The following TTC17 variants were observed in gnomAD, a reference collection of about 807,000 sequenced individuals.
The protein encoded by TTC17 is tetratricopeptide repeat protein 17.
Under a neutral mutation model 143.8 loss-of-function variants are expected in TTC17, and 58 were observed. The ratio of observed to expected loss-of-function variants is 0.40; its 90% CI spans 0.33 to 0.50. TTC17 has a LOEUF of 0.50. TTC17 is among the 20% of genes least tolerant of loss of function. TTC17 has a pLI of 0.49. For synonymous variants in TTC17, 501 were observed against 497.8 expected, an observed-to-expected ratio of 1.01 and a Z score of -0.09; for missense variants, 1,273 against 1,392.5, an observed-to-expected ratio of 0.91 and a Z score of 1.37.
intron 21 of TTC17, among the ~76,000 whole-genome samples, chr11:43,472,093 A>G (rs1324960160): frequency 6.6e-6 from 1 of 152,212 alleles, no homozygotes; most frequent in Non-Finnish European, 1.5e-5. Flanking sequence ...ACAGTGGATC[A>G]TGCCTGTAAT....
At chr11:43,452,900 G>A (rs1298482450) in intron 21 of TTC17, among the ~76,000 whole-genome samples, 1 of 152,142 alleles carries the variant, frequency 6.6e-6, no homozygotes, top group African/African-American at 2.4e-5. Context: ...TCCAGCCTGG[G>A]CAACAGAGTG....
intron 16 of TTC17, chr11:43,436,095 G>A (rs1346692588): frequency 8.3e-7 from 1 of 1,208,988 alleles, no homozygotes; most frequent in Non-Finnish European, 1.0e-6. Flanking sequence ...TGATATTTTA[G>A]GACCTTGTAC....
chr11:43,404,428 A>G (rs899802035), intron 11 of TTC17, among the ~76,000 whole-genome samples: 7 of 152,176 alleles, frequency 4.6e-5, no homozygotes, highest in African/African-American at 1.7e-4. Context: ...ACAAGTTTCT[A>G]AACTTGACCC....
chr11:43,469,954 G>A (rs1948061072), intron 21 of TTC17, among the ~76,000 whole-genome samples: 1 of 152,102 alleles, frequency 6.6e-6, no homozygotes, highest in South Asian at 2.1e-4. Flanking sequence ...CCCACATGGA[G>A]GCTCAGAAAT....
At chr11:43,359,158 CG>C (rs760575615) in intron 1 of TTC17, 45 bp downstream of exon 1, 9 of 1,523,234 alleles carry the variant, frequency 5.9e-6, no homozygotes, top group African/African-American at 2.8e-5. Context: ...GCCCTCGCCC[CG>C]GGGGGATTAC....
In TTC17 at chr11:43,391,979, A is replaced by G. The variant is rs1426681990; in HGVS notation, c.663+27A>G. On this transcript the variant is annotated intron_variant, in intron 5 of 23. Coordinates refer to ENST00000039989, the MANE Select transcript of TTC17 (RefSeq NM_018259.6). Reference sequence around the variant, plus strand: ...TAAGTCATCAGTCACTTAAAGAGCCAGCGGGCTGAGCCAGCGGGCTCTGTG... The same window carrying G: ...TAAGTCATCAGTCACTTAAAGAGCCGGCGGGCTGAGCCAGCGGGCTCTGTG... 1.9e-6 allele frequency: 3 copies of G among 1,579,780 alleles called. No homozygotes were observed. The East Asian group carries it at 6.8e-5, about 36-fold the overall frequency.
At chr11:43,401,917 G>C (rs549123235) in intron 10 of TTC17, among the ~76,000 whole-genome samples, 1 of 151,880 alleles carries the variant, frequency 6.6e-6, no homozygotes, top group African/African-American at 2.4e-5. Flanking sequence ...GGTCAAAGCT[G>C]TAGTGAACCC....
At chr11:43,413,362 A>G (rs1946700353) in intron 15 of TTC17, among the ~76,000 whole-genome samples, 1 of 152,244 alleles carries the variant, frequency 6.6e-6, no homozygotes, top group Admixed American at 6.5e-5. Flanking sequence ...GTACCAAAAT[A>G]TGAAAGATAA....
chr11:43,372,553 A>C (rs1434932584), intron 1 of TTC17, among the ~76,000 whole-genome samples: 1 of 149,828 alleles, frequency 6.7e-6, no homozygotes, highest in Non-Finnish European at 1.5e-5. Context: ...ACCAGGCTGG[A>C]GTGCCTGGCT....
At chr11:43,432,553 T>C (rs954254812) in intron 16 of TTC17, among the ~76,000 whole-genome samples, 3 of 152,236 alleles carry the variant, frequency 2.0e-5, no homozygotes, top group Non-Finnish European at 4.4e-5. Context: ...GCATTTTGTT[T>C]AAATAGTGTT....
chr11:43,439,985 C>T (rs1031114131), intron 16 of TTC17, among the ~76,000 whole-genome samples: 3 of 152,116 alleles, frequency 2.0e-5, no homozygotes, highest in Non-Finnish European at 2.9e-5. Flanking sequence ...TGCTTGGTAA[C>T]GAAAATCAAG....
At chr11:43,367,653 A>C (rs1336870250) in intron 1 of TTC17, among the ~76,000 whole-genome samples, 3 of 152,068 alleles carry the variant, frequency 2.0e-5, no homozygotes, top group Non-Finnish European at 4.4e-5. Flanking sequence ...AGCAGGGTGT[A>C]AGCTAAAACC....
chr11:43,394,274 C>G (rs1857498471), intron 5 of TTC17, among the ~76,000 whole-genome samples: 1 of 152,148 alleles, frequency 6.6e-6, no homozygotes, highest in Non-Finnish European at 1.5e-5. Flanking sequence ...GGTCTGAAAT[C>G]CAGGGTAAGG....
chr11:43,471,854 G>C (rs1055838611), intron 21 of TTC17, among the ~76,000 whole-genome samples: 10 of 152,160 alleles, frequency 6.6e-5, no homozygotes, highest in Non-Finnish European at 1.0e-4. Context: ...TTTAAAAAGA[G>C]ACAAAGGAGG....
Position 43,460,249 on chromosome 11 carries a change from C to T in TTC17, c.3030+8984C>T, listed in dbSNP as rs554227808. ...GAGCAGTTCCTTGTTTAGTTCTTCT[C>T]TCTTTTAATACCTTTCTACAGGTGT... is the stretch of plus-strand genomic sequence containing the variant. On this transcript the variant is annotated intron_variant, in intron 21 of 23. Transcript: ENST00000039989. 1.4e-4 allele frequency among the ~76,000 whole-genome samples: 22 copies of T among 152,228 alleles called. No homozygotes were observed. In the South Asian group the frequency reaches 4.6e-3, roughly 32 times the overall value.
intron 9 of TTC17, 38 bp from the exon 10 acceptor site, chr11:43,401,408 C>G: frequency 1.4e-6 from 2 of 1,425,450 alleles, no homozygotes; most frequent in Non-Finnish European, 2.0e-6. Flanking sequence ...CATTGTTGAC[C>G]TTGCTCATCA....
chr11:43,475,060 T>A (rs949333282), intron 21 of TTC17, among the ~76,000 whole-genome samples: 2 of 152,096 alleles, frequency 1.3e-5, no homozygotes, highest in African/African-American at 4.8e-5. Context: ...ACGCTTGGTC[T>A]TTTATTGAAA....
Position 43,391,596 on chromosome 11 carries a change from A to ATT in TTC17, c.531+32_531+33dup, listed in dbSNP as rs201254262. 725 of 1,240,972 alleles carry ATT rather than the reference A, an allele frequency of 5.8e-4. 1 individual carries two copies. The highest frequency in any genetic ancestry group is 9.9e-4 in the Middle Eastern group (5 of 5,026). 76.9% of individuals were successfully genotyped at this position (1,240,972 alleles called of 1,614,324 possible). On this transcript the variant is annotated intron_variant, in intron 4 of 23. Transcript: ENST00000039989. ...TTGAGAGTAAGTAGAGAACTTTAGG[A>ATT]TTTTTTTTTTTTTGCGTTGCGTTCT... is the stretch of plus-strand genomic sequence containing the variant.
intron 10 of TTC17, 23 bp from the exon 11 acceptor site, chr11:43,403,975 G>A (rs774376294): frequency 2.6e-6 from 4 of 1,561,752 alleles, no homozygotes; most frequent in Non-Finnish European, 3.5e-6. Context: ...CAATTTGATT[G>A]AACTTTTTGT....
Sources: gnomAD v4.1 joint callset for allele counts (sites outside exome capture counted in the v4.1 genomes callset) on GRCh38, gnomAD v4.1.1 for gene constraint, MANE v1.5 for transcripts, NCBI Gene and HGNC (gene_info 2026-07-23, HGNC 2026-07-21) for gene names.